The following ADAMTS17 variants were observed in gnomAD, a reference collection of about 807,000 sequenced individuals.
The protein encoded by ADAMTS17 is A disintegrin and metalloproteinase with thrombospondin motifs 17.
ADAMTS17 carries 113 observed loss-of-function variants against 141.5 expected under a neutral mutation model. That is an observed-to-expected ratio of 0.80 (90% confidence interval 0.69 to 0.93). The LOEUF is 0.93. Ranked by LOEUF, ADAMTS17 falls within the 40% of genes least tolerant of loss-of-function variation. The pLI is 0.00. For missense variants in ADAMTS17, 1,659 were observed against 1,517.9 expected, an observed-to-expected ratio of 1.09 and a Z score of -1.54; for synonymous variants, 768 against 630.6, an observed-to-expected ratio of 1.22 and a Z score of -3.27.
intron 14 of ADAMTS17, among the ~76,000 whole-genome samples, chr15:100,102,450 A>G (rs4450379): frequency 0.013 from 288 of 21,492 alleles, 6 homozygotes; most frequent in Middle Eastern, 0.028. Flanking sequence ...AGGGCCGACC[A>G]AAGGGGATCT....
intron 18 of ADAMTS17, among the ~76,000 whole-genome samples, chr15:100,042,032 G>A (rs560646855): frequency 2.6e-5 from 4 of 152,242 alleles, no homozygotes; most frequent in South Asian, 2.1e-4. Flanking sequence ...ATTCTTGGGC[G>A]CTTCTTCCAG....
chr15:100,206,744 G>A (rs2041583973), intron 7 of ADAMTS17, among the ~76,000 whole-genome samples: 3 of 152,184 alleles, frequency 2.0e-5, no homozygotes, highest in Admixed American at 6.5e-5. Flanking sequence ...ATCCCCAAAG[G>A]GAATCTGGGA....
chr15:100,028,693 G>A (rs2029870979), intron 18 of ADAMTS17, among the ~76,000 whole-genome samples: 1 of 152,210 alleles, frequency 6.6e-6, no homozygotes. Flanking sequence ...GTCCCCTGCT[G>A]GCAGCAGCGG....
chr15:100,302,904 G>A (rs1465048784), intron 3 of ADAMTS17, among the ~76,000 whole-genome samples: 1 of 152,048 alleles, frequency 6.6e-6, no homozygotes, highest in Non-Finnish European at 1.5e-5. Flanking sequence ...GCAGAAAAAT[G>A]TGAGAAGAGA....
Position 100,341,946 on chromosome 15 carries a change from A to G in ADAMTS17, c.-47T>C, listed in dbSNP as rs757929685. ...CCCCGGACCGTGGCGGCGAAGCAGG[A>G]GCGCGCTAGGCGGCGGCGCCAGCCG... On this transcript the variant is annotated 5_prime_UTR_variant, in exon 1 of 22. Coordinates refer to ENST00000268070, the MANE Select transcript of ADAMTS17 (RefSeq NM_139057.4). The G allele has an allele frequency of 8.4e-6, 13 of 1,545,242 alleles. No homozygotes were observed. In the South Asian group the frequency reaches 1.5e-4, roughly 18 times the overall value.
At chr15:100,293,801 T>G (rs937199257) in intron 3 of ADAMTS17, among the ~76,000 whole-genome samples, 1 of 152,238 alleles carries the variant, frequency 6.6e-6, no homozygotes, top group Non-Finnish European at 1.5e-5. Flanking sequence ...TTTACAGTAG[T>G]AATTCAATAG....
chr15:100,058,179 C>A (rs2032765256), intron 15 of ADAMTS17, among the ~76,000 whole-genome samples: 1 of 48,856 alleles, frequency 2.0e-5, no homozygotes, highest in Admixed American at 1.4e-4. Context: ...CCTATCCCGG[C>A]TCTAACACCC....
chr15:100,070,255 A>G (rs1374397309), intron 15 of ADAMTS17, among the ~76,000 whole-genome samples: 1 of 149,318 alleles, frequency 6.7e-6, no homozygotes, highest in African/African-American at 2.5e-5. Context: ...GTCCTGAGTG[A>G]CCTACAAAGA....
rs1401896969 is a variant in ADAMTS17 at position 100,165,074 on chromosome 15, C to G, written c.1182-9754G>C. Among the ~76,000 whole-genome samples, 3 of 152,290 alleles carry G rather than the reference C, an allele frequency of 2.0e-5. No individual in the cohort carries two copies. The East Asian group carries it at 5.8e-4, about 29-fold the overall frequency. On this transcript the variant is annotated intron_variant, in intron 8 of 21. Transcript: ENST00000268070. Reference sequence around the variant, plus strand: ...CTTGCTTCAGAGTGTATGCAGTAGCCTGGACTTGGTAAAAGCTCAAGGGAC... The same window carrying G: ...CTTGCTTCAGAGTGTATGCAGTAGCGTGGACTTGGTAAAAGCTCAAGGGAC...
At chr15:100,318,115 G>C (rs540054899) in intron 3 of ADAMTS17, among the ~76,000 whole-genome samples, 17 of 152,236 alleles carry the variant, frequency 1.1e-4, no homozygotes, top group Non-Finnish European at 2.2e-4. Flanking sequence ...TGCATGATCT[G>C]ACTTTCAGAT....
intron 4 of ADAMTS17, among the ~76,000 whole-genome samples, chr15:100,267,371 C>T (rs1001195775): frequency 6.6e-6 from 1 of 152,156 alleles, no homozygotes; most frequent in African/African-American, 2.4e-5. Context: ...TTTATCTGCC[C>T]ATCTGCCAAT....
chr15:100,116,856 C>A lies in ADAMTS17; in HGVS notation c.1879G>T (p.Val627Leu), dbSNP rs1361479482. Residue 627 changes from valine to leucine, a missense_variant, in exon 13 of 22, where the codon GTG becomes TTG. Val to Leu is a conservative substitution (Grantham distance 32). Coordinates refer to ENST00000268070, the MANE Select transcript of ADAMTS17 (RefSeq NM_139057.4). The part of the protein sequence containing the change: ...PKKKGLLTAV[V>L]VDDKPCELYC... ...TGCCATATGCCTTTACCGTCAACCACCACGGCTGTCAGCAGGCCTTTCTTC... is the reference window on the plus strand; with the variant it reads ...TGCCATATGCCTTTACCGTCAACCAACACGGCTGTCAGCAGGCCTTTCTTC... The A allele has an allele frequency of 6.2e-7, 1 of 1,614,180 alleles. No homozygotes were observed. Among genetic ancestry groups the A allele is most frequent in the Non-Finnish European group, 8.5e-7 (1 of 1,180,040 alleles).
chr15:100,154,619 A>G (rs1345313076), intron 9 of ADAMTS17, among the ~76,000 whole-genome samples: 2 of 152,200 alleles, frequency 1.3e-5, no homozygotes, highest in East Asian at 1.9e-4. Flanking sequence ...GTCCACAGGT[A>G]CAGACTGTGA....
At chr15:100,110,238 TATATATATATATAAATACATATATAC>T (rs952545210) in intron 13 of ADAMTS17, among the ~76,000 whole-genome samples, 3 of 133,556 alleles carry the variant, frequency 2.2e-5, no homozygotes, top group Admixed American at 7.2e-5. Context: ...TTTATATAAA[TATATATATATATAAATACATATATAC>T]ATATATATAT....
At position 100,300,845 on chromosome 15, in the gene ADAMTS17, C is replaced by T. The variant is rs1234613277; in HGVS notation, c.617-19444G>A. ...CCAGCAGTCACATAACTTGTATGTA[C>T]ACCCCAAGTGCCACTTCCTCAAAGA... On this transcript the variant is annotated intron_variant, in intron 3 of 21. Transcript: ENST00000268070. 2.6e-5 allele frequency among the ~76,000 whole-genome samples: 4 copies of T among 152,218 alleles called. No individual in the cohort carries two copies. In the East Asian group the frequency reaches 7.7e-4, roughly 29 times the overall value.
At chr15:100,202,408 G>A (rs1490412938) in intron 7 of ADAMTS17, among the ~76,000 whole-genome samples, 1 of 152,098 alleles carries the variant, frequency 6.6e-6, no homozygotes, top group Non-Finnish European at 1.5e-5. Context: ...TATTCCAGTC[G>A]TGACCAGCCT....
At chr15:100,083,288 A>G (rs918638200) in intron 15 of ADAMTS17, among the ~76,000 whole-genome samples, 2 of 152,128 alleles carry the variant, frequency 1.3e-5, no homozygotes, top group South Asian at 4.1e-4. Flanking sequence ...GCTGACCCAC[A>G]GTGTGCAAGC....
chr15:100,199,484 C>CGGACTTGCCCGGTG, intron 7 of ADAMTS17, 61 bp from the exon 8 acceptor site: 1 of 1,392,022 alleles, frequency 7.2e-7, no homozygotes, highest in Non-Finnish European at 1.0e-6. Flanking sequence ...TCTCACCGGG[C>CGGACTTGCCCGGTG]AAGTCCGCAC....
At position 99,977,374 on chromosome 15, in the gene ADAMTS17, A is replaced by T. The variant is rs1383957497; in HGVS notation, c.2950-1152T>A. 8.0e-3 allele frequency among the ~76,000 whole-genome samples: 114 copies of T among 14,166 alleles called. 12 individuals carry two copies. Among genetic ancestry groups the T allele is most frequent in the African/African-American group, 0.018 (57 of 3,130 alleles). The allele number at this position is 14,166 out of a possible 152,430, so 9.3% of individuals were successfully genotyped here. The stretch of plus-strand genomic sequence containing the variant: ...CATATATATATATATATATATATAT[A>T]TATATATATATATATATATATATAT... On this transcript the variant is annotated intron_variant, in intron 20 of 21. Coordinates refer to ENST00000268070, the MANE Select transcript of ADAMTS17 (RefSeq NM_139057.4).
Sources: allele counts gnomAD v4.1 joint callset (sites outside exome capture counted in the v4.1 genomes callset), GRCh38; gene constraint gnomAD v4.1.1; transcripts MANE v1.5; gene names NCBI Gene and HGNC (gene_info 2026-07-23, HGNC 2026-07-21).